Variants in SHISA9 observed in about 807,000 individuals in gnomAD.
The protein encoded by SHISA9 is shisa family member 9, also known as protein shisa-9.
SHISA9 carries 13 observed loss-of-function variants against 38.0 expected under a neutral mutation model. That is an observed-to-expected ratio of 0.34 (90% CI 0.22 to 0.54). The LOEUF is 0.54. SHISA9 is among the 20% of genes least tolerant of loss of function. SHISA9 has a pLI of 0.91. For missense variants in SHISA9, 538 were observed against 575.8 expected (o/e 0.93, Z 0.67); for synonymous variants, 275 against 242.0 (o/e 1.14, Z -1.27).
chr16:13,160,575 C>T (rs761610012), intron 2 of SHISA9, among the ~76,000 whole-genome samples: 1 of 152,104 alleles, frequency 6.6e-6, no homozygotes, highest in East Asian at 1.9e-4. Flanking sequence ...AGTTGGGTCA[C>T]GTTTTGTCAA....
At chr16:13,382,910 T>G in the SHISA9 span, among the ~76,000 whole-genome samples, 2 of 152,176 alleles carry the variant, frequency 1.3e-5, no homozygotes, top group African/African-American at 4.8e-5. Flanking sequence ...ACACTTTTTT[T>G]GATAAGAAAA....
intron 1 of SHISA9, chr16:12,909,319 G>C: frequency 1.0e-6 from 1 of 985,402 alleles, no homozygotes; most frequent in Non-Finnish European, 1.2e-6. Context: ...ACTCTAGAAA[G>C]CTCACTCATG....
the SHISA9 span, among the ~76,000 whole-genome samples, chr16:13,247,967 A>G: frequency 1.3e-5 from 2 of 152,212 alleles, no homozygotes; most frequent in East Asian, 3.8e-4. Context: ...TTTTCTGGTA[A>G]TTTGAAGCTG....
In SHISA9 at chr16:12,902,232, G is replaced by A. The variant is rs2071027222; in HGVS notation, c.168G>A (p.Glu56=). 6.5e-7 allele frequency: 1 copy of A among 1,541,110 alleles called. No homozygotes were observed. Among genetic ancestry groups the A allele is most frequent in the Admixed American group, 2.0e-5 (1 of 50,862 alleles). ...GGGCCGCCTCCGGAGAGGCCAGCGAGGGCGCTGAGGCATCGGACGCGCCCC... is the reference window on the plus strand; with the variant it reads ...GGGCCGCCTCCGGAGAGGCCAGCGAAGGCGCTGAGGCATCGGACGCGCCCC... The part of the protein sequence containing the change: ...RSGAASGEAS[E]GAEASDAPPT... The change falls in exon 1 of 5, where the codon GAG becomes GAA. Residue 56 remains glutamate, a synonymous_variant. Transcript: ENST00000558583.
intron 2 of SHISA9, among the ~76,000 whole-genome samples, chr16:13,114,298 C>G (rs1036020452): frequency 6.6e-6 from 1 of 151,734 alleles, no homozygotes; most frequent in African/African-American, 2.4e-5. Context: ...AACCCCATCT[C>G]CACTAAAAAT....
chr16:13,250,313 A>G, the SHISA9 span, among the ~76,000 whole-genome samples: 4 of 152,120 alleles, frequency 2.6e-5, no homozygotes, highest in Admixed American at 2.0e-4. Context: ...AGGAGGTACA[A>G]TTAGCAGTCC....
At chr16:13,174,564 A>T (rs1405583730) in intron 2 of SHISA9, among the ~76,000 whole-genome samples, 4 of 152,226 alleles carry the variant, frequency 2.6e-5, no homozygotes, top group Admixed American at 6.5e-5. Flanking sequence ...TTTGAGAAAT[A>T]TTTATGAGAA....
the SHISA9 span, among the ~76,000 whole-genome samples, chr16:13,353,364 G>A: frequency 6.6e-6 from 1 of 152,216 alleles, no homozygotes; most frequent in Non-Finnish European, 1.5e-5. Flanking sequence ...TCTGATTAGA[G>A]AGTGCCTAAG....
intron 2 of SHISA9, among the ~76,000 whole-genome samples, chr16:13,174,256 G>A (rs1236540126): frequency 6.6e-6 from 1 of 152,122 alleles, no homozygotes; most frequent in Non-Finnish European, 1.5e-5. Flanking sequence ...CCAGCCTCCT[G>A]TTTGTTTACC....
rs150984769 is a variant in SHISA9 at position 13,018,297 on chromosome 16, A to G, written c.691+101482A>G. 6.2e-4 allele frequency among the ~76,000 whole-genome samples: 95 copies of G among 152,282 alleles called. 1 individual carries two copies. The highest frequency in any genetic ancestry group is 2.2e-3 in the African/African-American group (93 of 41,556). On this transcript the variant is annotated intron_variant, in intron 2 of 4. Coordinates refer to ENST00000558583, the MANE Select transcript of SHISA9 (RefSeq NM_001145204.3). The stretch of plus-strand genomic sequence containing the variant: ...CCTGATCCCAAATCTAGCAAGAGGG[A>G]TCTGGCCTCCAATTTGAATCTAGTC...
chr16:13,326,815 GA>G, the SHISA9 span, among the ~76,000 whole-genome samples: 1 of 152,174 alleles, frequency 6.6e-6, no homozygotes, highest in Non-Finnish European at 1.5e-5. Flanking sequence ...CTGGTGGTGT[GA>G]AAAGTGATAT....
chr16:13,447,582 G>A, the SHISA9 span, among the ~76,000 whole-genome samples: 1 of 152,174 alleles, frequency 6.6e-6, no homozygotes, highest in Non-Finnish European at 1.5e-5. Context: ...CCAGCACCCA[G>A]GCATTTGCCT....
At chr16:13,258,350 C>T in the SHISA9 span, 3 of 151,882 alleles carry the variant, frequency 2.0e-5, no homozygotes, top group Non-Finnish European at 4.4e-5. Context: ...ATTACTCCAG[C>T]CAAAAAAATA....
chr16:13,560,307 A>G, the SHISA9 span, among the ~76,000 whole-genome samples: 1 of 152,200 alleles, frequency 6.6e-6, no homozygotes, highest in Non-Finnish European at 1.5e-5. Flanking sequence ...AGACTGGCTT[A>G]AGTCATGTGG....
At chr16:12,913,634 A>T (rs2071214916) in intron 1 of SHISA9, among the ~76,000 whole-genome samples, 1 of 152,080 alleles carries the variant, frequency 6.6e-6, no homozygotes, top group Non-Finnish European at 1.5e-5. Context: ...TCACCCTTAC[A>T]AAAAAAATCC....
the SHISA9 span, among the ~76,000 whole-genome samples, chr16:13,410,529 G>A: frequency 1.3e-5 from 2 of 152,102 alleles, no homozygotes; most frequent in African/African-American, 4.8e-5. Context: ...AACAGATATG[G>A]GTTGTCTAAA....
the SHISA9 span, among the ~76,000 whole-genome samples, chr16:13,467,458 C>T: frequency 6.6e-6 from 1 of 152,180 alleles, no homozygotes; most frequent in Admixed American, 6.5e-5. Context: ...GGGACTGTAC[C>T]ATTGGCTTTC....
chr16:13,371,886 A>C, the SHISA9 span, among the ~76,000 whole-genome samples: 1 of 152,172 alleles, frequency 6.6e-6, no homozygotes, highest in Non-Finnish European at 1.5e-5. Context: ...GATAATCAAG[A>C]CCAGGATTCC....
intron 2 of SHISA9, among the ~76,000 whole-genome samples, chr16:13,182,807 C>A (rs780720944): frequency 2.6e-5 from 4 of 151,930 alleles, no homozygotes; most frequent in Non-Finnish European, 5.9e-5. Context: ...TAGCTTAAAA[C>A]AACAACAACA....
Sources: gnomAD v4.1 joint callset for allele counts (sites outside exome capture counted in the v4.1 genomes callset) on GRCh38, gnomAD v4.1.1 for gene constraint, MANE v1.5 for transcripts, NCBI Gene and HGNC (gene_info 2026-07-23, HGNC 2026-07-21) for gene names.